The following GPR137C variants were observed in gnomAD, a reference collection of about 807,000 sequenced individuals.
GPR137C encodes integral membrane protein GPR137C.
GPR137C carries 27 observed loss-of-function variants against 43.4 expected under a neutral mutation model. That is an observed-to-expected ratio of 0.62 (90% CI 0.46 to 0.86). GPR137C has a LOEUF of 0.86. GPR137C is among the 40% of genes least tolerant of loss of function. GPR137C has a pLI of 0.00. For missense variants in GPR137C, 522 were observed against 534.6 expected, an observed-to-expected ratio of 0.98 and a Z score of 0.23; for synonymous variants, 285 against 226.9, an observed-to-expected ratio of 1.26 and a Z score of -2.30.
intron 3 of GPR137C, among the ~76,000 whole-genome samples, chr14:52,602,323 C>A (rs998726467): frequency 3.3e-5 from 5 of 150,250 alleles, no homozygotes; most frequent in African/African-American, 1.2e-4. Flanking sequence ...TTGTTTCTGT[C>A]CCTCTCTCTC....
chr14:52,608,338 T>C (rs1029351514), intron 3 of GPR137C, among the ~76,000 whole-genome samples: 8 of 152,236 alleles, frequency 5.3e-5, no homozygotes, highest in African/African-American at 1.9e-4. Context: ...TTACTTAAGA[T>C]TGATAACAAC....
At chr14:52,634,096 T>C (rs2039325176) in intron 6 of GPR137C, 150 bp downstream of exon 6, 1 of 620,920 alleles carries the variant, frequency 1.6e-6, no homozygotes, top group Non-Finnish European at 2.9e-6. Flanking sequence ...AAGCAGTAGA[T>C]GTTAAACCCA....
intron 3 of GPR137C, among the ~76,000 whole-genome samples, chr14:52,604,443 G>A (rs2038961132): frequency 6.7e-6 from 1 of 148,774 alleles, no homozygotes; most frequent in African/African-American, 2.5e-5. Flanking sequence ...GAGAGATGGG[G>A]CTTTTTTTTT....
At chr14:52,574,384 A>G (rs1409562424) in intron 1 of GPR137C, among the ~76,000 whole-genome samples, 2 of 152,234 alleles carry the variant, frequency 1.3e-5, no homozygotes, top group African/African-American at 4.8e-5. Context: ...AATACTATGC[A>G]GCCATAAAAA....
Position 52,632,208 on chromosome 14 carries a change from C to T in GPR137C, c.766C>T (p.Leu256=). 1.2e-6 allele frequency: 2 copies of T among 1,606,100 alleles called. No homozygotes were observed. The highest frequency in any genetic ancestry group is 1.7e-6 in the Non-Finnish European group (2 of 1,172,832). Residue 256 remains leucine (L), a synonymous_variant, in exon 4 of 7, where the codon CTG becomes TTG. Coordinates refer to ENST00000321662, the MANE Select transcript of GPR137C (RefSeq NM_001099652.2). ...CGTCGTGGGCTCTGTAGTCATTCTT[C>T]TGTACTCTTCCAGAGCTTGTTATAA... ...TVVVGSVVIL[L]YSSRACYNLV...
intron 1 of GPR137C, among the ~76,000 whole-genome samples, chr14:52,579,199 C>G (rs1169518646): frequency 6.6e-6 from 1 of 152,158 alleles, no homozygotes; most frequent in Non-Finnish European, 1.5e-5. Flanking sequence ...AATCTTTATG[C>G]TTGGTGTATA....
intron 1 of GPR137C, among the ~76,000 whole-genome samples, chr14:52,596,184 C>G (rs1348532417): frequency 2.6e-5 from 4 of 152,194 alleles, no homozygotes; most frequent in Non-Finnish European, 4.4e-5. Flanking sequence ...CTTGGTCCTT[C>G]CTCTGGATGC....
chr14:52,627,135 G>A lies in GPR137C; in HGVS notation c.718-5025G>A, dbSNP rs1455986640. On this transcript the variant is annotated intron_variant, in intron 3 of 6. Transcript: ENST00000321662. ...GGGCTGGAGGTGATGGCTTACACCT[G>A]TAATCCCAGCACTTTGGGAGGCCTT... Among the ~76,000 whole-genome samples, 4 of 152,148 alleles carry A rather than the reference G, an allele frequency of 2.6e-5. No homozygotes were observed. The East Asian group carries it at 5.8e-4, about 22-fold the overall frequency.
At chr14:52,603,827 C>A (rs527624657) in intron 3 of GPR137C, among the ~76,000 whole-genome samples, 1 of 152,274 alleles carries the variant, frequency 6.6e-6, no homozygotes, top group Non-Finnish European at 1.5e-5. Flanking sequence ...ATGGGAGCCA[C>A]TGTGCCCAGC....
At chr14:52,589,466 T>A (rs1201822885) in intron 1 of GPR137C, among the ~76,000 whole-genome samples, 1 of 152,158 alleles carries the variant, frequency 6.6e-6, no homozygotes, top group Non-Finnish European at 1.5e-5. Context: ...TGAACAGTTA[T>A]CATCTGAAGA....
chr14:52,559,543 A>AG (rs1261804053), intron 1 of GPR137C, among the ~76,000 whole-genome samples: 2 of 151,986 alleles, frequency 1.3e-5, no homozygotes, highest in African/African-American at 4.8e-5. Flanking sequence ...ATGAGGGAAA[A>AG]GGGGGAATTT....
At chr14:52,629,552 A>G (rs2039270390) in intron 3 of GPR137C, among the ~76,000 whole-genome samples, 1 of 152,240 alleles carries the variant, frequency 6.6e-6, no homozygotes. Flanking sequence ...ACAAGGATGA[A>G]TCTCAGAAAC....
chr14:52,619,525 T>C (rs192893754), intron 3 of GPR137C, among the ~76,000 whole-genome samples: 1 of 152,302 alleles, frequency 6.6e-6, no homozygotes, highest in Admixed American at 6.5e-5. Context: ...GCAAGTCTTA[T>C]TTCCTATTCT....
chr14:52,567,747 C>T (rs2038395237), intron 1 of GPR137C, among the ~76,000 whole-genome samples: 1 of 150,434 alleles, frequency 6.6e-6, no homozygotes, highest in African/African-American at 2.5e-5. Context: ...GCAACCTCTG[C>T]TTCCCAGGTT....
At chr14:52,618,018 G>A (rs187978854) in intron 3 of GPR137C, among the ~76,000 whole-genome samples, 42 of 152,208 alleles carry the variant, frequency 2.8e-4, no homozygotes, top group African/African-American at 8.4e-4. Flanking sequence ...CAGAGTTCCT[G>A]AACACCTGAA....
rs919779451 is a variant in GPR137C, at chr14:52,635,981, C to T, written c.*866C>T. 2 of 152,174 alleles carry T rather than the reference C, an allele frequency of 1.3e-5. No homozygotes were observed. The highest frequency in any genetic ancestry group is 6.6e-5 in the Admixed American group (1 of 15,246). The allele number at this position is 152,174 out of a possible 1,614,324, so 9.4% of individuals were successfully genotyped here. ...CAAAATGTGTAATTCTAAATTAAAACATAAATATATTTTCAAAAGCATTTG... is the reference window on the plus strand; with the variant it reads ...CAAAATGTGTAATTCTAAATTAAAATATAAATATATTTTCAAAAGCATTTG... On this transcript the variant is annotated 3_prime_UTR_variant, in exon 7 of 7. Coordinates refer to ENST00000321662, the MANE Select transcript of GPR137C (RefSeq NM_001099652.2).
intron 3 of GPR137C, among the ~76,000 whole-genome samples, chr14:52,615,786 T>C (rs1365969539): frequency 6.6e-6 from 1 of 152,212 alleles, no homozygotes. Context: ...CATGTAGAAA[T>C]GCCACTGATT....
chr14:52,630,220 A>G (rs2039278971), intron 3 of GPR137C, among the ~76,000 whole-genome samples: 1 of 152,038 alleles, frequency 6.6e-6, no homozygotes, highest in South Asian at 2.1e-4. Context: ...CTTTTCTCAC[A>G]ATCTTTTTTT....
At chr14:52,596,820 T>C (rs2038862070) in intron 1 of GPR137C, 1 of 424,794 alleles carries the variant, frequency 2.4e-6, no homozygotes, top group Non-Finnish European at 4.8e-6. Flanking sequence ...TCACCCTCCA[T>C]GGGCTGCACC....
Sources: allele counts gnomAD v4.1 joint callset (sites outside exome capture counted in the v4.1 genomes callset), GRCh38; gene constraint gnomAD v4.1.1; transcripts MANE v1.5; gene names NCBI Gene and HGNC (gene_info 2026-07-23, HGNC 2026-07-21).